The following BIRC6 variants were observed in gnomAD, a reference collection of about 807,000 sequenced individuals.
BIRC6 encodes the protein dual E2 ubiquitin-conjugating enzyme/E3 ubiquitin-protein ligase BIRC6.
In BIRC6, 98 loss-of-function variants were observed where a neutral mutation model predicts 503.3. That is an observed-to-expected ratio of 0.19 (90% CI 0.17 to 0.23). The LOEUF is 0.23. Ranked by LOEUF, BIRC6 falls within the 10% of genes least tolerant of loss-of-function variation. BIRC6 has a pLI of 1.00. For synonymous variants in BIRC6, 2,240 were observed against 2,078.7 expected, an observed-to-expected ratio of 1.08 and a Z score of -2.11; for missense variants, 5,360 against 5,806.0, an observed-to-expected ratio of 0.92 and a Z score of 2.50.
rs751484115 is a variant in BIRC6, at chr2:32,439,647, T to C, written c.3771T>C (p.Tyr1257=). The C allele has an allele frequency of 1.9e-6, 3 of 1,613,772 alleles. No homozygotes were observed. The highest frequency in any genetic ancestry group is 2.2e-5 in the East Asian group (1 of 44,886). ...TAAAACACCAGAGTAACAAGGGTTA[T>C]TCACTTGCTTCACTTTTGGCTAAAG... ...PSLKHQSNKG[Y]SLASLLAKVA... The change falls in exon 16 of 74, where the codon TAT becomes TAC. Residue 1257 remains tyrosine, a synonymous_variant. Coordinates refer to ENST00000421745, the MANE Select transcript of BIRC6 (RefSeq NM_016252.4).
At chr2:32,447,664 C>T (rs2046207176) in intron 21 of BIRC6, among the ~76,000 whole-genome samples, 1 of 122,514 alleles carries the variant, frequency 8.2e-6, no homozygotes, top group Non-Finnish European at 1.8e-5. Context: ...CTGACCCCCC[C>T]TCCCCCCTCC....
chr2:32,494,769 GGGT>G (rs944803498), intron 45 of BIRC6, among the ~76,000 whole-genome samples: 1 of 151,996 alleles, frequency 6.6e-6, no homozygotes, highest in African/African-American at 2.4e-5. Context: ...AAATTAGCTA[GGGT>G]GTGGGTATAC....
intron 61 of BIRC6, 137 bp downstream of exon 61, chr2:32,531,688 T>G: frequency 3.9e-6 from 3 of 764,774 alleles, no homozygotes; most frequent in Non-Finnish European, 6.1e-6. Flanking sequence ...ATTATATAAC[T>G]CTTTCAATGG....
At chr2:32,542,530 G>C (rs1006152377) in intron 61 of BIRC6, among the ~76,000 whole-genome samples, 1 of 152,144 alleles carries the variant, frequency 6.6e-6, no homozygotes, top group Non-Finnish European at 1.5e-5. Flanking sequence ...TTTCCTTATA[G>C]CTTGGTGCCA....
At chr2:32,370,002 GTGTA>G (rs1435745495) in intron 1 of BIRC6, among the ~76,000 whole-genome samples, 1 of 124,472 alleles carries the variant, frequency 8.0e-6, no homozygotes, top group African/African-American at 3.1e-5. Flanking sequence ...ATGTATGTGT[GTGTA>G]TATATATGCA....
At chr2:32,601,149 T>C (rs1045667850) in intron 70 of BIRC6, among the ~76,000 whole-genome samples, 1 of 152,254 alleles carries the variant, frequency 6.6e-6, no homozygotes, top group African/African-American at 2.4e-5. Flanking sequence ...GACAGCACTT[T>C]GAATAATACA....
rs201477066 is a variant in BIRC6 at position 32,401,155 on chromosome 2, A to G, written c.1035-8A>G. 3 of 1,611,004 alleles carry G rather than the reference A, an allele frequency of 1.9e-6. No individual in the cohort carries two copies. The highest frequency in any genetic ancestry group is 2.2e-5 in the East Asian group (1 of 44,860). ...TAGTAAACTTTTCCTTTCTAAATCT[A>G]TGCAAAGGTCTGAACACGAAAGACA... is the stretch of plus-strand genomic sequence containing the variant. On this transcript the variant is annotated splice_polypyrimidine_tract_variant and splice_region_variant and intron_variant, in intron 6 of 73. Transcript: ENST00000421745.
rs1163079346 is a variant in BIRC6, at chr2:32,415,925, T to G, written c.2634T>G (p.Ile878Met). Residue 878 changes from isoleucine (I) to methionine (M), a missense_variant, in exon 10 of 74, where the codon ATT (isoleucine) becomes ATG (methionine). Ile to Met is a conservative substitution (Grantham distance 10). Transcript: ENST00000421745. Reference sequence around the variant, plus strand: ...GAGAGGATGACTGTGAGGAACCTATTGAGGACATGCAGTTAACCTCAAAGA... The same window carrying G: ...GAGAGGATGACTGTGAGGAACCTATGGAGGACATGCAGTTAACCTCAAAGA... ...DNREDDCEEP[I>M]EDMQLTSKNG... The G allele has an allele frequency of 6.2e-7, 1 of 1,613,994 alleles. No individual in the cohort carries two copies. Among genetic ancestry groups the G allele is most frequent in the Non-Finnish European group, 8.5e-7 (1 of 1,179,876 alleles).
chr2:32,363,055 G>T (rs72867221), intron 1 of BIRC6, among the ~76,000 whole-genome samples: 2,516 of 152,252 alleles, frequency 0.017, 45 homozygotes, highest in African/African-American at 0.041. Flanking sequence ...TTTTGGCCTG[G>T]TGCTGTGGCT....
chr2:32,568,601 T>TC (rs939131142), intron 65 of BIRC6, among the ~76,000 whole-genome samples: 2 of 152,014 alleles, frequency 1.3e-5, no homozygotes, highest in African/African-American at 2.4e-5. Context: ...TTTCAGCACT[T>TC]CGAGAGTTCG....
intron 24 of BIRC6, among the ~76,000 whole-genome samples, chr2:32,464,012 T>G (rs1006969777): frequency 6.6e-6 from 1 of 152,190 alleles, no homozygotes; most frequent in Non-Finnish European, 1.5e-5. Context: ...TAATGCCTGA[T>G]GATCTGAGGT....
At chr2:32,394,944 A>T (rs2039693103) in intron 5 of BIRC6, among the ~76,000 whole-genome samples, 1 of 152,112 alleles carries the variant, frequency 6.6e-6, no homozygotes, top group African/African-American at 2.4e-5. Context: ...GGATCAGGAG[A>T]TTGAGACCAT....
At chr2:32,395,731 A>C in intron 6 of BIRC6, 138 bp downstream of exon 6, 1 of 657,044 alleles carries the variant, frequency 1.5e-6, no homozygotes. Flanking sequence ...AGAATGAGCT[A>C]GCCCTGTCTA....
At chr2:32,604,024 C>G (rs1456305806) in intron 71 of BIRC6, among the ~76,000 whole-genome samples, 1 of 151,988 alleles carries the variant, frequency 6.6e-6, no homozygotes, top group African/African-American at 2.4e-5. Context: ...AAGTGACGTT[C>G]TGTTGATCAG....
Position 32,479,542 on chromosome 2 carries a change from T to C in BIRC6, c.7333T>C (p.Ser2445Pro), listed in dbSNP as rs2050147507. 6.2e-7 allele frequency: 1 copy of C among 1,607,844 alleles called. No individual in the cohort carries two copies. The highest frequency in any genetic ancestry group is 8.5e-7 in the Non-Finnish European group (1 of 1,176,880). The change falls in exon 37 of 74, where the codon TCT (serine) becomes CCT (proline). Residue 2445 changes from serine (S) to proline (P), a missense_variant. Around this residue, in one of 16 missense-constraint regions of BIRC6, gnomAD observed 2,299 missense variants for 2,267.2 expected, o/e 1.01. Coordinates refer to ENST00000421745, the MANE Select transcript of BIRC6 (RefSeq NM_016252.4). ...GDDVGATAGDSDDSLQQSSVQ... is the reference protein window; with the variant it reads ...GDDVGATAGDPDDSLQQSSVQ... ...TGATGTAGGTGCGACAGCTGGTGAC[T>C]CTGATGACTCCCTTCAACAGTCCTC... is the stretch of plus-strand genomic sequence containing the variant.
chr2:32,437,150 A>T lies in BIRC6; in HGVS notation c.3631+966A>T, dbSNP rs2044815786. Among the ~76,000 whole-genome samples, 3 of 152,034 alleles carry T rather than the reference A, an allele frequency of 2.0e-5. No homozygotes were observed. In the South Asian group the frequency reaches 6.2e-4, roughly 32 times the overall value. The stretch of plus-strand genomic sequence containing the variant: ...GCCACTCTGCCTGCCTCGGTCCCCC[A>T]AAGTGTTAGGATTGCAGACGTAAGC... On this transcript the variant is annotated intron_variant, in intron 15 of 73. Coordinates refer to ENST00000421745, the MANE Select transcript of BIRC6 (RefSeq NM_016252.4).
intron 23 of BIRC6, among the ~76,000 whole-genome samples, chr2:32,460,247 T>C (rs888715131): frequency 3.8e-5 from 1 of 26,550 alleles, no homozygotes; most frequent in African/African-American, 1.5e-4. Flanking sequence ...TCGTATATGA[T>C]ATATATATAT....
Position 32,445,600 on chromosome 2 carries a change from T to G in BIRC6, c.4416T>G (p.Ser1472=), listed in dbSNP as rs901757511. The change falls in exon 21 of 74, where the codon TCT becomes TCG. Residue 1472 remains serine (S), a synonymous_variant. Coordinates refer to ENST00000421745, the MANE Select transcript of BIRC6 (RefSeq NM_016252.4). Reference sequence around the variant, plus strand: ...CTGGATGCAGTACAGCTTGTGCATCTTTGCTTACTGCAGTGTCCAGACAGT... The same window carrying G: ...CTGGATGCAGTACAGCTTGTGCATCGTTGCTTACTGCAGTGTCCAGACAGT... ...DLAGCSTACA[S]LLTAVSRQLQ... is the part of the protein sequence containing the mutation. 2 of 1,607,158 alleles carry G rather than the reference T, an allele frequency of 1.2e-6. No individual in the cohort carries two copies. Among genetic ancestry groups the G allele is most frequent in the Non-Finnish European group, 1.7e-6 (2 of 1,176,524 alleles).
At position 32,493,622 on chromosome 2, in the gene BIRC6, T is replaced by G; in HGVS notation, c.8423T>G (p.Phe2808Cys). 1 of 1,608,908 alleles carries G rather than the reference T, an allele frequency of 6.2e-7. No homozygotes were observed. The highest frequency in any genetic ancestry group is 8.5e-7 in the Non-Finnish European group (1 of 1,176,584). Residue 2808 changes from phenylalanine (F) to cysteine (C), a missense_variant, in exon 45 of 74, where the codon TTC (phenylalanine) becomes TGC (cysteine). This residue lies in a region of BIRC6 where 2,299 missense variants were observed against 2,267.2 expected (regional missense o/e 1.01). Coordinates refer to ENST00000421745, the MANE Select transcript of BIRC6 (RefSeq NM_016252.4). ...CTTTCTTCAACATGTCCTCAGATAT[T>G]CAGTGAATTTTTGCTCAAGCTAATT... is the stretch of plus-strand genomic sequence containing the variant. ...VHLSSTCPQIFSEFLLKLIHI... is the reference protein window; with the variant it reads ...VHLSSTCPQICSEFLLKLIHI...
Sources: gnomAD v4.1 joint callset for allele counts (sites outside exome capture counted in the v4.1 genomes callset) on GRCh38, gnomAD v4.1.1 for gene constraint, gnomAD v4.1.1 regional missense constraint, MANE v1.5 for transcripts, NCBI Gene and HGNC (gene_info 2026-07-23, HGNC 2026-07-21) for gene names.